LRBA: variants seen among roughly 807,000 people sequenced by gnomAD.
LRBA encodes LPS responsive beige-like anchor protein.
LRBA carries 176 observed loss-of-function variants against 330.0 expected under a neutral mutation model. That is an observed-to-expected ratio of 0.53 (90% CI 0.47 to 0.60). The LOEUF (loss-of-function observed/expected upper bound fraction) is 0.60, where lower values mean the gene tolerates loss of function less well. Ranked by LOEUF, LRBA falls within the 20% of genes least tolerant of loss-of-function variation. The probability of loss-of-function intolerance (pLI) is 0.00; values close to 1 mark genes in which losing one functional copy is unlikely to be tolerated. For synonymous variants in LRBA, 1,230 were observed against 1,193.0 expected (o/e 1.03, Z -0.64); for missense variants, 3,259 against 3,444.8 (o/e 0.95, Z 1.35).
In LRBA at chr4:150,445,375, CTCTATATATATA is replaced by C. The variant is rs1263950448; in HGVS notation, c.6781-8523_6781-8512del. Among the ~76,000 whole-genome samples, 128 of 82,962 alleles carry C rather than the reference CTCTATATATATA, an allele frequency of 1.5e-3. 1 individual carries two copies. The highest frequency in any genetic ancestry group is 3.0e-3 in the East Asian group (9 of 3,010). The allele number at this position is 82,962 out of a possible 152,430, so 54.4% of individuals were successfully genotyped here. ...TCTCTCTCTCTCTCTCTCTCTCTCT[CTCTATATATATA>C]TATATATATATATATATATATATAC... On this transcript the variant is annotated intron_variant, in intron 44 of 56. Coordinates refer to ENST00000651943, the MANE Select transcript of LRBA (RefSeq NM_001364905.1).
chr4:151,012,742 C>T (rs1156990433), intron 2 of LRBA: 1 of 151,854 alleles, frequency 6.6e-6, no homozygotes, highest in African/African-American at 2.4e-5. Context: ...TACATAAACT[C>T]CCAATAAACT....
intron 15 of LRBA, 50 bp from the exon 16 acceptor site, chr4:150,896,506 TAA>T (rs1730104203): frequency 1.1e-6 from 1 of 950,704 alleles, no homozygotes; most frequent in African/African-American, 1.7e-5. Context: ...AAAAAATGTT[TAA>T]AGAGAAATTA....
chr4:150,578,316 C>T (rs893059006), intron 40 of LRBA, among the ~76,000 whole-genome samples: 1 of 152,156 alleles, frequency 6.6e-6, no homozygotes, highest in Non-Finnish European at 1.5e-5. Flanking sequence ...TTTTAAAGTA[C>T]TCTGTCAACT....
rs183857464 is a variant in LRBA at position 150,461,938 on chromosome 4, T to A, written c.6780+5735A>T. ...ACTTTCCAAAGTAAAGAAAAAATAA[T>A]AAATCACAGGTACAAAGGAAATCAT... On this transcript the variant is annotated intron_variant, in intron 44 of 56. Coordinates refer to ENST00000651943, the MANE Select transcript of LRBA (RefSeq NM_001364905.1). 4.0e-5 allele frequency among the ~76,000 whole-genome samples: 6 copies of A among 151,816 alleles called. No homozygotes were observed. The East Asian group carries it at 1.2e-3, about 29-fold the overall frequency.
intron 35 of LRBA, among the ~76,000 whole-genome samples, chr4:150,760,574 C>T (rs1476118227): frequency 3.9e-5 from 6 of 151,986 alleles, no homozygotes; most frequent in Non-Finnish European, 8.8e-5. Context: ...CACACACACA[C>T]ACACGAATAT....
intron 41 of LRBA, among the ~76,000 whole-genome samples, chr4:150,489,734 T>C (rs1758663211): frequency 7.5e-6 from 1 of 134,036 alleles, no homozygotes; most frequent in Non-Finnish European, 1.6e-5. Context: ...TAATATATAA[T>C]AATTATACAT....
chr4:150,628,403 CA>C (rs562570166), intron 37 of LRBA, among the ~76,000 whole-genome samples: 71 of 152,106 alleles, frequency 4.7e-4, no homozygotes, highest in African/African-American at 1.6e-3. Context: ...ATAGAATGAT[CA>C]AAAAACAGCC....
rs1406554353 is a variant in LRBA, at chr4:150,657,826, AATAAT to A, written c.5921+25720_5921+25724del. Among the ~76,000 whole-genome samples, 11 of 152,294 alleles carry A rather than the reference AATAAT, an allele frequency of 7.2e-5. No homozygotes were observed. In the South Asian group the frequency reaches 1.0e-3, roughly 14 times the overall value. ...TTTAACATACATTTTTAACAGTATT[AATAAT>A]ATAAGATTTAACAGTTTGCTTTTTT... On this transcript the variant is annotated intron_variant, in intron 37 of 56. Transcript: ENST00000651943.
At chr4:150,867,545 G>T (rs1752880179) in intron 22 of LRBA, 126 bp downstream of exon 22, 2 of 622,958 alleles carry the variant, frequency 3.2e-6, no homozygotes, top group Admixed American at 3.5e-5. Flanking sequence ...CTTTCATTTT[G>T]CTGTACTTTC....
At chr4:150,489,144 A>AATATATAAGAATATATAATATATT (rs1462563954) in intron 41 of LRBA, among the ~76,000 whole-genome samples, 1 of 110,484 alleles carries the variant, frequency 9.1e-6, no homozygotes, top group Non-Finnish European at 1.8e-5. Flanking sequence ...TATAATATAT[A>AATATATAAGAATATATAATATATT]ATATATCAGA....
At chr4:150,909,326 T>A (rs959251333) in intron 9 of LRBA, among the ~76,000 whole-genome samples, 4 of 152,174 alleles carry the variant, frequency 2.6e-5, no homozygotes, top group Non-Finnish European at 5.9e-5. Flanking sequence ...TACTTTCTGT[T>A]TCTATGAGTT....
At chr4:150,799,617 T>C (rs1741295838) in intron 33 of LRBA, among the ~76,000 whole-genome samples, 1 of 152,264 alleles carries the variant, frequency 6.6e-6, no homozygotes, top group Non-Finnish European at 1.5e-5. Flanking sequence ...ATGGGCCCTT[T>C]TATTATACAT....
chr4:150,309,346 A>T (rs1441051658), intron 52 of LRBA, among the ~76,000 whole-genome samples: 1 of 152,138 alleles, frequency 6.6e-6, no homozygotes, highest in Non-Finnish European at 1.5e-5. Flanking sequence ...TTGTGTAAGT[A>T]TACTCTATAA....
intron 2 of LRBA, among the ~76,000 whole-genome samples, chr4:150,964,094 T>A (rs886469877): frequency 2.1e-5 from 3 of 142,546 alleles, no homozygotes; most frequent in Non-Finnish European, 4.5e-5. Flanking sequence ...GTGAGGAGCG[T>A]CTCCGCCCGG....
chr4:150,456,517 G>T (rs540054024), intron 44 of LRBA, among the ~76,000 whole-genome samples: 99 of 152,012 alleles, frequency 6.5e-4, no homozygotes, highest in Non-Finnish European at 1.0e-3. Context: ...TAAAAAATTG[G>T]ATTATGAGAT....
rs745334204 is a variant in LRBA, at chr4:150,831,974, C to G, written c.4572G>C (p.Glu1524Asp). 8.8e-6 allele frequency: 13 copies of G among 1,481,928 alleles called. No homozygotes were observed. Among genetic ancestry groups the G allele is most frequent in the Non-Finnish European group, 1.2e-5 (13 of 1,109,036 alleles). 91.8% of individuals were successfully genotyped at this position (1,481,928 alleles called of 1,614,324 possible). ...RLRAVVFRDI[E>D]DSKQAQFLAL... The stretch of plus-strand genomic sequence containing the variant: ...CTAAAAATTGAGCTTGTTTGCTATC[C>G]TCCTGGGAAAAAAAATTAAAGGAGT... The change falls in exon 29 of 57, where the codon GAG (glutamate) becomes GAC (aspartate). Residue 1524 changes from glutamate (E) to aspartate (D), a missense_variant and splice_region_variant. Coordinates refer to ENST00000651943, the MANE Select transcript of LRBA (RefSeq NM_001364905.1).
Position 150,407,489 on chromosome 4 carries a change from A to T in LRBA, c.7194+7949T>A, listed in dbSNP as rs141731740. On this transcript the variant is annotated intron_variant, in intron 47 of 56. Transcript: ENST00000651943. ...AAAAACAAAAAAAACAACTAGACAG[A>T]AAGTCAGCAAAGATACAGAATAGTT... Among the ~76,000 whole-genome samples the T allele has an allele frequency of 7.2e-5, 11 of 152,318 alleles. No individual in the cohort carries two copies. In the East Asian group the frequency reaches 2.1e-3, roughly 29 times the overall value.
intron 17 of LRBA, among the ~76,000 whole-genome samples, chr4:150,888,460 A>G (rs1157230445): frequency 6.6e-6 from 1 of 152,180 alleles, no homozygotes; most frequent in Non-Finnish European, 1.5e-5. Context: ...AAACTTATTA[A>G]CTGTCTGGAG....
intron 36 of LRBA, among the ~76,000 whole-genome samples, chr4:150,720,226 T>C (rs1560726256): frequency 1.3e-5 from 2 of 152,078 alleles, no homozygotes; most frequent in Admixed American, 6.5e-5. Flanking sequence ...TACAAACATA[T>C]AGCACCAATC....
Sources: allele counts gnomAD v4.1 joint callset (sites outside exome capture counted in the v4.1 genomes callset), GRCh38; gene constraint gnomAD v4.1.1; transcripts MANE v1.5; gene names NCBI Gene and HGNC (gene_info 2026-07-23, HGNC 2026-07-21).